Variants in CCDC169 observed in about 807,000 individuals in gnomAD.
The protein encoded by CCDC169 is coiled-coil domain-containing protein 169.
A neutral mutation model predicts 36.0 loss-of-function variants in CCDC169; 30 were observed. That is an observed-to-expected ratio of 0.83 (90% CI 0.62 to 1.13). The LOEUF is 1.13. Ranked by LOEUF, CCDC169 falls within the 50% of genes most tolerant of loss-of-function variation. CCDC169 has a pLI of 0.00. For missense variants in CCDC169, 245 were observed against 245.9 expected (o/e 1.00, Z 0.03); for synonymous variants, 85 against 81.5 (o/e 1.04, Z -0.23).
chr13:36,293,751 C>T (rs1879173174), intron 2 of CCDC169, among the ~76,000 whole-genome samples: 1 of 152,184 alleles, frequency 6.6e-6, no homozygotes, highest in Non-Finnish European at 1.5e-5. Flanking sequence ...GAATGACCAG[C>T]TCACTTGAAT....
chr13:36,222,155 A>T (rs1869645694), downstream of CCDC169: 1 of 152,330 alleles, frequency 6.6e-6, no homozygotes, highest in South Asian at 2.1e-4. Flanking sequence ...ACAACTGCAG[A>T]TATTGACATG....
intron 4 of CCDC169, among the ~76,000 whole-genome samples, chr13:36,268,239 T>A (rs1157225425): frequency 6.6e-6 from 1 of 152,156 alleles, no homozygotes; most frequent in Non-Finnish European, 1.5e-5. Context: ...TAAATCTCAA[T>A]AAATTTTTTA....
intron 2 of CCDC169, among the ~76,000 whole-genome samples, chr13:36,295,465 T>C (rs1879366651): frequency 6.6e-6 from 1 of 152,162 alleles, no homozygotes; most frequent in African/African-American, 2.4e-5. Flanking sequence ...AGAGTGTAAC[T>C]TGAGGTGAAT....
intron 4 of CCDC169, among the ~76,000 whole-genome samples, chr13:36,263,535 T>A (rs1447229310): frequency 1.3e-5 from 2 of 152,216 alleles, no homozygotes; most frequent in Non-Finnish European, 2.9e-5. Context: ...ATTAGAATTT[T>A]AAAAATTATA....
chr13:36,278,894 AACT>A (rs1349898003), intron 4 of CCDC169, among the ~76,000 whole-genome samples: 1 of 152,154 alleles, frequency 6.6e-6, no homozygotes, highest in Non-Finnish European at 1.5e-5. Flanking sequence ...ACACAAACAA[AACT>A]AAACTTACCA....
At chr13:36,253,649 T>C (rs542450497) in intron 6 of CCDC169, among the ~76,000 whole-genome samples, 154 bp downstream of exon 6, 14 of 152,272 alleles carry the variant, frequency 9.2e-5, no homozygotes, top group Non-Finnish European at 1.9e-4. Flanking sequence ...TTATTTTTTA[T>C]ACAAGTTGTA....
At chr13:36,242,994 C>T (rs566749297) in intron 7 of CCDC169, among the ~76,000 whole-genome samples, 2 of 152,200 alleles carry the variant, frequency 1.3e-5, no homozygotes, top group South Asian at 4.1e-4. Context: ...AGTATCTTAG[C>T]CATGACTTGG....
intron 7 of CCDC169, among the ~76,000 whole-genome samples, chr13:36,242,020 A>G (rs1925838): frequency 0.41 from 61,543 of 151,894 alleles, 13,242 homozygotes; most frequent in Non-Finnish European, 0.48. Flanking sequence ...TGAAGAAGGC[A>G]CTTGCTTCCC....
chr13:36,271,912 ATC>A (rs1442531064), intron 4 of CCDC169, among the ~76,000 whole-genome samples: 1 of 151,490 alleles, frequency 6.6e-6, no homozygotes, highest in African/African-American at 2.4e-5. Context: ...GTGAAACCCT[ATC>A]TCTACTAAAA....
downstream of CCDC169, chr13:36,226,102 C>T (rs907686385): frequency 6.6e-6 from 1 of 152,276 alleles, no homozygotes; most frequent in Non-Finnish European, 1.5e-5. Context: ...CAAAAAAACA[C>T]AAATCTTTCT....
At chr13:36,294,875 C>T (rs972967160) in intron 2 of CCDC169, among the ~76,000 whole-genome samples, 1 of 152,128 alleles carries the variant, frequency 6.6e-6, no homozygotes, top group Non-Finnish European at 1.5e-5. Flanking sequence ...CTATAGATAA[C>T]ATAACCGATT....
intron 4 of CCDC169, chr13:36,274,197 C>G (rs1331596562): frequency 6.6e-6 from 1 of 152,076 alleles, no homozygotes; most frequent in Non-Finnish European, 1.5e-5. Flanking sequence ...CCTGGGGAGA[C>G]GACAAAAACA....
At chr13:36,294,758 T>C (rs1474990924) in intron 2 of CCDC169, among the ~76,000 whole-genome samples, 1 of 152,006 alleles carries the variant, frequency 6.6e-6, no homozygotes, top group Non-Finnish European at 1.5e-5. Context: ...TTGAGATTGA[T>C]TGAGCAAGCA....
chr13:36,296,024 C>G (rs753691472), intron 1 of CCDC169, among the ~76,000 whole-genome samples, 167 bp from the exon 2 acceptor site: 5 of 152,148 alleles, frequency 3.3e-5, no homozygotes, highest in Admixed American at 2.0e-4. Context: ...TCCAATTAGT[C>G]AGTTCTAGGA....
At chr13:36,226,038 TAAAG>T (rs974348803), downstream of CCDC169, 24 of 152,136 alleles carry the variant, frequency 1.6e-4, no homozygotes, top group African/African-American at 5.8e-4. Context: ...GAAGATTTCT[TAAAG>T]AACTTAAAAC....
intron 7 of CCDC169, among the ~76,000 whole-genome samples, chr13:36,237,668 G>C (rs1871256772): frequency 6.6e-6 from 1 of 152,148 alleles, no homozygotes. Context: ...GTTATATTAA[G>C]CAGCAGAAGG....
At chr13:36,285,098 T>C (rs973782327) in intron 2 of CCDC169, among the ~76,000 whole-genome samples, 1 of 152,348 alleles carries the variant, frequency 6.6e-6, no homozygotes, top group African/African-American at 2.4e-5. Context: ...TTTCCTAACA[T>C]GGTAACGGAT....
At chr13:36,288,446 G>GT (rs1878505254) in intron 2 of CCDC169, among the ~76,000 whole-genome samples, 2 of 152,182 alleles carry the variant, frequency 1.3e-5, no homozygotes, top group South Asian at 4.1e-4. Flanking sequence ...GACTTTTTGT[G>GT]TAAGTTAAAA....
At chr13:36,261,496 A>G (rs1874598978) in intron 4 of CCDC169, among the ~76,000 whole-genome samples, 1 of 152,178 alleles carries the variant, frequency 6.6e-6, no homozygotes, top group Non-Finnish European at 1.5e-5. Context: ...CAGCAACATA[A>G]TTTGGCAATC....
Sources: allele counts gnomAD v4.1 joint callset (sites outside exome capture counted in the v4.1 genomes callset), GRCh38; gene constraint gnomAD v4.1.1; transcripts MANE v1.5; gene names NCBI Gene and HGNC (gene_info 2026-07-23, HGNC 2026-07-21).